ABLIM1: variants seen among roughly 807,000 people sequenced by gnomAD.
ABLIM1 encodes the protein actin binding LIM protein 1.
ABLIM1 carries 40 observed loss-of-function variants against 107.0 expected under a neutral mutation model. The ratio of observed to expected loss-of-function variants is 0.37; its 90% confidence interval spans 0.29 to 0.49. ABLIM1 has a LOEUF of 0.49. Among genes scored for constraint, ABLIM1 ranks in the 20% least tolerant of loss-of-function variants. The probability of loss-of-function intolerance (pLI) is 0.97; values close to 1 mark genes in which losing one functional copy is unlikely to be tolerated. For synonymous variants in ABLIM1, 357 were observed against 357.3 expected, an observed-to-expected ratio of 1.00 and a Z score of 0.01; for missense variants, 857 against 1,008.5, an observed-to-expected ratio of 0.85 and a Z score of 2.04.
chr10:114,509,517 C>T (rs1173829215), intron 6 of ABLIM1, among the ~76,000 whole-genome samples: 1 of 152,084 alleles, frequency 6.6e-6, no homozygotes, highest in Non-Finnish European at 1.5e-5. Context: ...TCTTCCTCTC[C>T]CTCCCTCCCA....
chr10:114,764,094 A>G (rs2082821556), intron 1 of ABLIM1, among the ~76,000 whole-genome samples: 1 of 152,188 alleles, frequency 6.6e-6, no homozygotes, highest in Non-Finnish European at 1.5e-5. Context: ...CAGGTATGGA[A>G]ACTCTATTCC....
intron 1 of ABLIM1, among the ~76,000 whole-genome samples, chr10:114,607,878 G>A (rs78036293): frequency 6.6e-6 from 1 of 152,164 alleles, no homozygotes; most frequent in Non-Finnish European, 1.5e-5. Context: ...AAGAACATTA[G>A]GTAAAAACTA....
At chr10:114,787,665 A>G in the ABLIM1 span, among the ~76,000 whole-genome samples, 3 of 107,458 alleles carry the variant, frequency 2.8e-5, no homozygotes, top group African/African-American at 3.4e-5. Context: ...GGAAGTGAGG[A>G]GCCCCTCTGC....
At chr10:114,664,513 T>G (rs1163127889) in intron 1 of ABLIM1, among the ~76,000 whole-genome samples, 2 of 152,190 alleles carry the variant, frequency 1.3e-5, no homozygotes, top group Non-Finnish European at 2.9e-5. Flanking sequence ...TTTTTAAATT[T>G]TTTTAACGTT....
chr10:114,462,622 G>T (rs118111847), intron 12 of ABLIM1, among the ~76,000 whole-genome samples: 4 of 152,066 alleles, frequency 2.6e-5, no homozygotes, highest in South Asian at 2.1e-4. Flanking sequence ...GTTTATCACC[G>T]GTAAGACAAC....
intron 11 of ABLIM1, 54 bp downstream of exon 11, chr10:114,468,127 C>G: frequency 3.3e-6 from 5 of 1,508,134 alleles, no homozygotes; most frequent in Non-Finnish European, 4.6e-6. Flanking sequence ...TAGGGAAGGG[C>G]CAAGCAATTC....
chr10:114,721,315 T>C (rs2081840722), intron 1 of ABLIM1, among the ~76,000 whole-genome samples: 1 of 152,124 alleles, frequency 6.6e-6, no homozygotes, highest in Non-Finnish European at 1.5e-5. Flanking sequence ...ATTTCACAGC[T>C]CGTGGGTGAT....
chr10:114,672,813 T>A (rs1721469546), intron 1 of ABLIM1, among the ~76,000 whole-genome samples: 1 of 152,180 alleles, frequency 6.6e-6, no homozygotes, highest in Middle Eastern at 3.2e-3. Context: ...TCAAGGTTCA[T>A]TTTTCCCCCA....
intron 6 of ABLIM1, among the ~76,000 whole-genome samples, chr10:114,536,730 A>C (rs915039084): frequency 1.2e-4 from 18 of 152,216 alleles, no homozygotes; most frequent in Non-Finnish European, 2.6e-4. Flanking sequence ...ACAATACACA[A>C]GGTGACCAGT....
intron 8 of ABLIM1, among the ~76,000 whole-genome samples, chr10:114,474,486 T>C (rs61870096): frequency 4.4e-4 from 66 of 151,160 alleles, no homozygotes; most frequent in Non-Finnish European, 8.4e-4. Flanking sequence ...GTTCACACTT[T>C]TCTCCTGCCT....
intron 15 of ABLIM1, among the ~76,000 whole-genome samples, chr10:114,445,852 C>T (rs2060938253): frequency 6.6e-6 from 1 of 152,190 alleles, no homozygotes; most frequent in African/African-American, 2.4e-5. Context: ...CTCAGTGCAG[C>T]CTCGACCTCC....
chr10:114,690,743 G>A, intron 1 of ABLIM1: 9 of 343,016 alleles, frequency 2.6e-5, no homozygotes, highest in South Asian at 4.7e-5. Context: ...GTGCAGTGGT[G>A]CGATCTCAGC....
chr10:114,763,326 C>T (rs765488714), intron 1 of ABLIM1, among the ~76,000 whole-genome samples: 15 of 151,910 alleles, frequency 9.9e-5, no homozygotes, highest in African/African-American at 1.5e-4. Context: ...TTTAAACATA[C>T]TGTATTAATT....
chr10:114,620,499 T>C (rs1183689436), intron 1 of ABLIM1, among the ~76,000 whole-genome samples: 1 of 152,130 alleles, frequency 6.6e-6, no homozygotes, highest in East Asian at 1.9e-4. Context: ...AACCTCCACC[T>C]CCTGGGTTCA....
intron 19 of ABLIM1, chr10:114,440,780 G>T: frequency 1.6e-6 from 1 of 623,100 alleles, no homozygotes; most frequent in African/African-American, 1.8e-5. Context: ...CTGATAGAGT[G>T]CTCAGCACAT....
chr10:114,641,659 A>G (rs924821130), intron 1 of ABLIM1, among the ~76,000 whole-genome samples: 1 of 152,170 alleles, frequency 6.6e-6, no homozygotes, highest in African/African-American at 2.4e-5. Flanking sequence ...AAGTACCTGA[A>G]GAAGGGAAGA....
chr10:114,532,790 A>C (rs1192905897), intron 6 of ABLIM1, among the ~76,000 whole-genome samples: 1 of 152,146 alleles, frequency 6.6e-6, no homozygotes, highest in Non-Finnish European at 1.5e-5. Flanking sequence ...CTTATTATGA[A>C]CCCAAAAGCT....
At chr10:114,553,765 T>G (rs757095177) in intron 4 of ABLIM1, among the ~76,000 whole-genome samples, 1 of 152,220 alleles carries the variant, frequency 6.6e-6, no homozygotes, top group Non-Finnish European at 1.5e-5. Context: ...TGGAGCCTAC[T>G]GAATTGGGAA....
At chr10:114,699,822 C>G (rs2081271620) in intron 1 of ABLIM1, among the ~76,000 whole-genome samples, 1 of 152,006 alleles carries the variant, frequency 6.6e-6, no homozygotes, top group Admixed American at 6.6e-5. Flanking sequence ...AAAGGGCAGC[C>G]CAAAGGATCC....
Sources: allele counts gnomAD v4.1 joint callset (sites outside exome capture counted in the v4.1 genomes callset), GRCh38; gene constraint gnomAD v4.1.1; transcripts MANE v1.5; gene names NCBI Gene and HGNC (gene_info 2026-07-23, HGNC 2026-07-21).